GSE1: variants seen among roughly 807,000 people sequenced by gnomAD.
The protein encoded by GSE1 is Gse1 coiled-coil protein.
Under a neutral mutation model 112.6 loss-of-function variants are expected in GSE1, and 32 were observed. The observed-to-expected ratio is 0.28, with a 90% confidence interval of 0.21 to 0.38. The LOEUF (loss-of-function observed/expected upper bound fraction) is 0.38. GSE1 is among the 10% of genes least tolerant of loss of function. The pLI, the probability that GSE1 is intolerant of heterozygous loss-of-function variation, is 1.00. For missense variants in GSE1, 2,348 were observed against 1,699.2 expected (o/e 1.38, Z -6.71); for synonymous variants, 1,115 against 735.6 (o/e 1.52, Z -8.35).
intron 14 of GSE1, among the ~76,000 whole-genome samples, chr16:85,668,695 G>T (rs1023376353): frequency 1.3e-5 from 2 of 152,184 alleles, no homozygotes; most frequent in African/African-American, 4.8e-5. Flanking sequence ...CTGCTCTGTG[G>T]GCTGCATCAG....
chr16:85,571,455 G>A (rs1356309894), intron 1 of GSE1, among the ~76,000 whole-genome samples: 1 of 152,282 alleles, frequency 6.6e-6, no homozygotes, highest in African/African-American at 2.4e-5. Context: ...TGCAGATAGA[G>A]AGCATTTCCA....
intron 2 of GSE1, among the ~76,000 whole-genome samples, chr16:85,392,477 A>C (rs2047863662): frequency 6.6e-6 from 1 of 152,172 alleles, no homozygotes. Context: ...TGGTGAACAT[A>C]TTCTGAAATT....
intron 2 of GSE1, among the ~76,000 whole-genome samples, chr16:85,542,093 T>G (rs1178289809): frequency 6.9e-6 from 1 of 144,320 alleles, no homozygotes; most frequent in Non-Finnish European, 1.5e-5. Flanking sequence ...CCCCACCCCA[T>G]CCGGTTTTGA....
intron 1 of GSE1, among the ~76,000 whole-genome samples, chr16:85,320,428 C>G (rs1304725150): frequency 6.9e-6 from 1 of 145,706 alleles, no homozygotes; most frequent in Non-Finnish European, 1.5e-5. Flanking sequence ...AGGGCCGCCA[C>G]CATACCCGGC....
intron 1 of GSE1, among the ~76,000 whole-genome samples, chr16:85,205,235 T>G (rs1387023727): frequency 6.6e-6 from 1 of 152,154 alleles, no homozygotes; most frequent in Admixed American, 6.5e-5. Context: ...GGGTTCAAGC[T>G]GTTCTCCTGC....
chr16:85,241,800 T>TA (rs1452154577), intron 1 of GSE1, among the ~76,000 whole-genome samples: 3 of 152,150 alleles, frequency 2.0e-5, no homozygotes, highest in Non-Finnish European at 4.4e-5. Flanking sequence ...TCTCCTCCTG[T>TA]ACTCACTTTA....
exon 1 of GSE1, chr16:85,169,550 C>T (rs2074326657): frequency 1.0e-6 from 1 of 971,726 alleles, no homozygotes. Flanking sequence ...GCCCCGGTCT[C>T]CCGCAAGCAG....
At chr16:85,284,139 G>GC (rs1206168504) in intron 1 of GSE1, among the ~76,000 whole-genome samples, 2 of 152,188 alleles carry the variant, frequency 1.3e-5, no homozygotes, top group African/African-American at 4.8e-5. Flanking sequence ...CTTTCAAGAT[G>GC]CCCCCGGCCC....
chr16:85,378,272 C>T (rs1054409791), intron 2 of GSE1, among the ~76,000 whole-genome samples: 4 of 152,292 alleles, frequency 2.6e-5, no homozygotes, highest in African/African-American at 9.6e-5. Flanking sequence ...CCAGCCCCTC[C>T]CTCAGCTGGG....
chr16:85,539,353 G>A (rs1042104922), intron 2 of GSE1, among the ~76,000 whole-genome samples: 2 of 152,174 alleles, frequency 1.3e-5, no homozygotes, highest in African/African-American at 2.4e-5. Flanking sequence ...CAAGGCGGGC[G>A]GCTCTCTGCA....
intron 1 of GSE1, among the ~76,000 whole-genome samples, chr16:85,194,258 C>G (rs2074884890): frequency 6.6e-6 from 1 of 152,146 alleles, no homozygotes; most frequent in African/African-American, 2.4e-5. Flanking sequence ...CCTGGATAGA[C>G]TAGAACCCAA....
rs146530160 is a variant in GSE1, at chr16:85,320,710, A to G, written c.2284-36753A>G. On this transcript the variant is annotated intron_variant, in intron 1 of 2. Transcript: ENST00000637419. ...ATATTCTGAGGTTTTGAGCAGCATG[A>G]CTTCTCGGGGAACACTGTTCCAGCC... Among the ~76,000 whole-genome samples, 683 of 152,016 alleles carry G rather than the reference A, an allele frequency of 4.5e-3. 8 individuals carry two copies. Among genetic ancestry groups the G allele is most frequent in the African/African-American group, 0.016 (655 of 41,488 alleles).
At chr16:85,435,553 G>A (rs904294989) in intron 2 of GSE1, among the ~76,000 whole-genome samples, 5 of 152,184 alleles carry the variant, frequency 3.3e-5, no homozygotes, top group Non-Finnish European at 7.4e-5. Flanking sequence ...GGGGCTGGGG[G>A]CTGAGGGAGG....
rs113416233 is a variant in GSE1 at position 85,581,696 on chromosome 16, T to G, written c.37+25333T>G. On this transcript the variant is annotated intron_variant, in intron 1 of 2. Transcript: ENST00000635906. ...CGGCCGTCCTAAATGCAGTGTGCAT[T>G]TCTGTGCTCAGGGTGAATTGGGCTG... 2.2e-3 allele frequency among the ~76,000 whole-genome samples: 338 copies of G among 152,200 alleles called. 1 individual carries two copies. Among genetic ancestry groups the G allele is most frequent in the African/African-American group, 7.9e-3 (326 of 41,516 alleles).
chr16:85,622,989 G>A (rs2048836714), intron 1 of GSE1, among the ~76,000 whole-genome samples: 1 of 152,200 alleles, frequency 6.6e-6, no homozygotes, highest in Non-Finnish European at 1.5e-5. Context: ...GAGGGGTGCA[G>A]ACTCTGGCAA....
Position 85,359,767 on chromosome 16 carries a change from C to T in GSE1, c.2464+2124C>T, listed in dbSNP as rs558906871. Among the ~76,000 whole-genome samples the T allele has an allele frequency of 2.7e-4, 41 of 152,288 alleles. 1 individual carries two copies. In the East Asian group the frequency reaches 6.4e-3, roughly 24 times the overall value. ...CACGAACCCCGACGTCTGGCTCCCG[C>T]GCCGAACTCACCCTCGGCACACCAG... On this transcript the variant is annotated intron_variant, in intron 2 of 2. Coordinates refer to the GSE1 transcript ENST00000637419.
intron 1 of GSE1, among the ~76,000 whole-genome samples, chr16:85,223,386 A>G (rs1466484585): frequency 1.3e-5 from 2 of 151,802 alleles, no homozygotes; most frequent in Non-Finnish European, 2.9e-5. Context: ...AACTGAGTGT[A>G]ATGTCCTGAG....
intron 1 of GSE1, among the ~76,000 whole-genome samples, chr16:85,204,711 G>T (rs2075085404): frequency 6.6e-6 from 1 of 152,242 alleles, no homozygotes; most frequent in East Asian, 1.9e-4. Context: ...ATGACAAAGG[G>T]ATCTGCCCTT....
intron 1 of GSE1, among the ~76,000 whole-genome samples, chr16:85,333,471 G>A (rs1033441516): frequency 5.3e-5 from 8 of 152,158 alleles, no homozygotes; most frequent in Admixed American, 1.3e-4. Flanking sequence ...GCTGCAGCCC[G>A]GCCTCGGGCC....
Sources: allele counts gnomAD v4.1 joint callset (sites outside exome capture counted in the v4.1 genomes callset), GRCh38; gene constraint gnomAD v4.1.1; transcripts MANE v1.5; gene names NCBI Gene and HGNC (gene_info 2026-07-23, HGNC 2026-07-21).